Variants in PRKCB observed in about 807,000 individuals in gnomAD.
PRKCB encodes the protein protein kinase C beta, also known as protein kinase C beta type.
PRKCB carries 13 observed loss-of-function variants against 81.5 expected under a neutral mutation model. The observed-to-expected ratio is 0.16, with a 90% CI of 0.10 to 0.25. The LOEUF is 0.25. Among genes scored for constraint, PRKCB ranks in the 10% least tolerant of loss-of-function variants. PRKCB has a pLI of 1.00. For synonymous variants in PRKCB, 335 were observed against 321.4 expected (o/e 1.04, Z -0.45); for missense variants, 509 against 875.7 (o/e 0.58, Z 5.29).
chr16:24,000,151 A>G (rs1486996935), intron 3 of PRKCB, among the ~76,000 whole-genome samples: 3 of 152,224 alleles, frequency 2.0e-5, no homozygotes, highest in Admixed American at 6.5e-5. Flanking sequence ...CCAGTGCCTC[A>G]TTGGAGAGGA....
In PRKCB at chr16:23,928,250, T is replaced by A. The variant is rs927421172; in HGVS notation, c.206-60258T>A. On this transcript the variant is annotated intron_variant, in intron 2 of 16. Transcript: ENST00000643927. ...AAGCAATTCTCCTGCCTCAGCCTAC[T>A]GAGTAGCTGGGATTATAGATGCCCA... 2.0e-5 allele frequency among the ~76,000 whole-genome samples: 3 copies of A among 151,638 alleles called. 1 individual carries two copies. Among genetic ancestry groups the A allele is most frequent in the Non-Finnish European group, 2.9e-5 (2 of 67,822 alleles).
At chr16:24,009,096 C>T (rs993738905) in intron 3 of PRKCB, among the ~76,000 whole-genome samples, 1 of 152,092 alleles carries the variant, frequency 6.6e-6, no homozygotes, top group Non-Finnish European at 1.5e-5. Flanking sequence ...TCCATTTGTT[C>T]GTCAGTGGAC....
chr16:24,064,946 C>T (rs1053539686), intron 5 of PRKCB, among the ~76,000 whole-genome samples: 12 of 145,706 alleles, frequency 8.2e-5, no homozygotes, highest in African/African-American at 1.5e-4. Context: ...ATATATAGAC[C>T]GAATATATGT....
At chr16:23,992,971 C>G (rs1596502213) in intron 3 of PRKCB, among the ~76,000 whole-genome samples, 1 of 152,086 alleles carries the variant, frequency 6.6e-6, no homozygotes, top group Non-Finnish European at 1.5e-5. Context: ...TGGCATTGGC[C>G]TTTCCATCTT....
chr16:24,051,138 C>T (rs1276925424), intron 5 of PRKCB, among the ~76,000 whole-genome samples: 7 of 152,196 alleles, frequency 4.6e-5, no homozygotes, highest in Admixed American at 4.6e-4. Context: ...GTTTATTACT[C>T]ATAGATGAGG....
At chr16:24,193,480 T>A (rs1007127966) in intron 16 of PRKCB, among the ~76,000 whole-genome samples, 21 of 149,300 alleles carry the variant, frequency 1.4e-4, no homozygotes, top group Non-Finnish European at 2.5e-4. Flanking sequence ...AATAAATAAA[T>A]AAATAAATAA....
chr16:23,875,734 T>TGTGTGATATAC (rs1963000681), intron 2 of PRKCB, among the ~76,000 whole-genome samples: 1 of 126,446 alleles, frequency 7.9e-6, no homozygotes, highest in African/African-American at 3.1e-5. Context: ...CACACATATA[T>TGTGTGATATAC]ATGTATGTAT....
At chr16:24,082,006 TAATG>T (rs1966257001) in intron 5 of PRKCB, among the ~76,000 whole-genome samples, 1 of 152,044 alleles carries the variant, frequency 6.6e-6, no homozygotes, top group Non-Finnish European at 1.5e-5. Context: ...TTACTAGAAA[TAATG>T]AGTGAGTTTA....
chr16:23,997,405 G>A (rs968957636), intron 3 of PRKCB, among the ~76,000 whole-genome samples: 9 of 152,160 alleles, frequency 5.9e-5, no homozygotes, highest in African/African-American at 2.2e-4. Flanking sequence ...TGAAGGTTTG[G>A]GTCACCCTGC....
chr16:24,056,022 A>C (rs554135445), intron 5 of PRKCB, among the ~76,000 whole-genome samples: 1 of 152,192 alleles, frequency 6.6e-6, no homozygotes, highest in Non-Finnish European at 1.5e-5. Context: ...GCAGAACTGG[A>C]GTTTGGTCCC....
chr16:24,054,368 C>T lies in PRKCB; in HGVS notation c.529+18821C>T, dbSNP rs112779741. ...GTCTTTTGTAGAGCATTTTTATATGCATGATATCATTTACTCCCTATGAGA... is the reference window on the plus strand; with the variant it reads ...GTCTTTTGTAGAGCATTTTTATATGTATGATATCATTTACTCCCTATGAGA... On this transcript the variant is annotated intron_variant, in intron 5 of 16. Coordinates refer to ENST00000643927, the MANE Select transcript of PRKCB (RefSeq NM_002738.7). 6.7e-3 allele frequency among the ~76,000 whole-genome samples: 1,026 copies of T among 152,306 alleles called. 6 individuals carry two copies. Among genetic ancestry groups the T allele is most frequent in the Middle Eastern group, 0.01 (3 of 294 alleles).
intron 3 of PRKCB, among the ~76,000 whole-genome samples, chr16:24,031,781 C>A (rs1344137033): frequency 6.6e-6 from 1 of 152,110 alleles, no homozygotes; most frequent in African/African-American, 2.4e-5. Flanking sequence ...AAGTCAGGAG[C>A]CCTGTTTAGA....
chr16:23,999,001 T>C (rs972689568), intron 3 of PRKCB, among the ~76,000 whole-genome samples: 11 of 152,216 alleles, frequency 7.2e-5, no homozygotes, highest in Non-Finnish European at 1.2e-4. Flanking sequence ...AATGATTCTA[T>C]CTCTGGATAC....
rs188600634 is a variant in PRKCB, at chr16:24,059,607, C to T, written c.529+24060C>T. On this transcript the variant is annotated intron_variant, in intron 5 of 16. Coordinates refer to ENST00000643927, the MANE Select transcript of PRKCB (RefSeq NM_002738.7). ...CCTTGAGCCCAGAAGTTTGAGGCTGCAGTAAGCTATGATCACAGCACTGCA... is the reference window on the plus strand; with the variant it reads ...CCTTGAGCCCAGAAGTTTGAGGCTGTAGTAAGCTATGATCACAGCACTGCA... Among the ~76,000 whole-genome samples the T allele has an allele frequency of 4.6e-5, 7 of 152,040 alleles. No homozygotes were observed. The East Asian group carries it at 1.4e-3, about 29-fold the overall frequency.
chr16:23,981,467 C>A (rs1005546076), intron 2 of PRKCB, among the ~76,000 whole-genome samples: 1 of 151,986 alleles, frequency 6.6e-6, no homozygotes, highest in African/African-American at 2.4e-5. Context: ...TCACAGGTCC[C>A]AGGATTAGGA....
At chr16:23,927,788 C>G (rs966250232) in intron 2 of PRKCB, among the ~76,000 whole-genome samples, 11 of 151,936 alleles carry the variant, frequency 7.2e-5, no homozygotes, top group Non-Finnish European at 1.5e-4. Flanking sequence ...GCTGGTGGTG[C>G]TTTTGACAGA....
intron 2 of PRKCB, among the ~76,000 whole-genome samples, chr16:23,962,280 G>A (rs539907294): frequency 2.6e-5 from 4 of 151,946 alleles, no homozygotes; most frequent in Admixed American, 1.3e-4. Context: ...ACCTGGTTTC[G>A]CTCCCTAACG....
chr16:23,907,499 C>T (rs950941324), intron 2 of PRKCB, among the ~76,000 whole-genome samples: 6 of 152,220 alleles, frequency 3.9e-5, no homozygotes, highest in Admixed American at 2.0e-4. Context: ...CTGCTGGCCA[C>T]AAGCAATCCT....
At chr16:23,940,219 G>T (rs1036751938) in intron 2 of PRKCB, among the ~76,000 whole-genome samples, 1 of 152,048 alleles carries the variant, frequency 6.6e-6, no homozygotes, top group Non-Finnish European at 1.5e-5. Context: ...GGAGGCTGAG[G>T]AACAACTAGA....
Sources: gnomAD v4.1 joint callset for allele counts (sites outside exome capture counted in the v4.1 genomes callset) on GRCh38, gnomAD v4.1.1 for gene constraint, MANE v1.5 for transcripts, NCBI Gene and HGNC (gene_info 2026-07-23, HGNC 2026-07-21) for gene names.